Variants in RECQL5 observed in about 807,000 individuals in gnomAD.
The protein encoded by RECQL5 is ATP-dependent DNA helicase Q5.
A neutral mutation model predicts 103.4 loss-of-function variants in RECQL5; 88 were observed. The ratio of observed to expected loss-of-function variants is 0.85; its 90% CI spans 0.72 to 1.02. The LOEUF (loss-of-function observed/expected upper bound fraction) is 1.02. Ranked by LOEUF, RECQL5 falls within the 50% of genes least tolerant of loss-of-function variation. The pLI is 0.00. For missense variants in RECQL5, 1,232 were observed against 1,284.3 expected (o/e 0.96, Z 0.62); for synonymous variants, 552 against 507.9 (o/e 1.09, Z -1.17).
intron 8 of RECQL5, among the ~76,000 whole-genome samples, chr17:75,642,609 A>G (rs185959679): frequency 1.3e-5 from 2 of 150,206 alleles, no homozygotes; most frequent in Admixed American, 6.6e-5. Context: ...TCCAAAGAAT[A>G]GGATTCAGAA....
Position 75,665,171 on chromosome 17 carries a change from A to T in RECQL5, c.132T>A (p.Gly44=). ...QESATMAVVK[G]NKDVFVCMPT... ...GCATGCACACAAAGACGTCCTTGTT[A>T]CCTGAAAAAATACAAGACAACAATA... Residue 44 remains glycine, a splice_region_variant and synonymous_variant, in exon 3 of 20, where the codon GGT becomes GGA. Transcript: ENST00000317905. The T allele has an allele frequency of 6.2e-7, 1 of 1,606,970 alleles. No homozygotes were observed. Among genetic ancestry groups the T allele is most frequent in the Non-Finnish European group, 8.5e-7 (1 of 1,177,912 alleles).
intron 15 of RECQL5, 53 bp downstream of exon 15, chr17:75,629,655 G>T: frequency 6.4e-7 from 1 of 1,559,060 alleles, no homozygotes. Context: ...GGGCAGAGGG[G>T]AAGTGAAGCC....
intron 5 of RECQL5, 54 bp from the exon 6 acceptor site, chr17:75,661,120 G>A (rs1051699141): frequency 1.5e-5 from 21 of 1,434,654 alleles, no homozygotes; most frequent in East Asian, 4.5e-5. Flanking sequence ...TGGGTTTACC[G>A]GGGGCCTATT....
At chr17:75,631,298 C>T (rs1007833034) in intron 9 of RECQL5, 49 bp from the exon 10 acceptor site, 1 of 1,583,154 alleles carries the variant, frequency 6.3e-7, no homozygotes, top group East Asian at 2.2e-5. Context: ...TCTGCCCTCC[C>T]CATGTGTGCT....
chr17:75,655,441 G>A (rs1021750920), intron 7 of RECQL5, among the ~76,000 whole-genome samples: 1 of 146,264 alleles, frequency 6.8e-6, no homozygotes, highest in African/African-American at 2.6e-5. Flanking sequence ...TGGGCTCACT[G>A]CAAGCTCCGC....
At chr17:75,661,767 T>A (rs1029609894) in intron 4 of RECQL5, 59 bp from the exon 5 acceptor site, 24 of 1,252,798 alleles carry the variant, frequency 1.9e-5, no homozygotes, top group Non-Finnish European at 2.6e-5. Context: ...ATAGGCCCAG[T>A]GTAATGCACC....
chr17:75,664,672 G>A (rs1259528534), intron 3 of RECQL5, among the ~76,000 whole-genome samples: 2 of 152,278 alleles, frequency 1.3e-5, no homozygotes, highest in African/African-American at 4.8e-5. Context: ...CAGCACTTTG[G>A]GAGGCCGAGG....
In RECQL5 at chr17:75,640,867, G is replaced by A; in HGVS notation, c.1230-9199C>T. 8.4e-6 allele frequency: 13 copies of A among 1,547,680 alleles called. No individual in the cohort carries two copies. Among genetic ancestry groups the A allele is most frequent in the Non-Finnish European group, 1.1e-5 (13 of 1,146,960 alleles). On this transcript the variant is annotated intron_variant, in intron 8 of 19. Transcript: ENST00000317905. The surrounding 1 kb of genome is among the most constrained non-coding windows in gnomAD (Gnocchi z 4.6). ...GCTGCTGCCCTGAGCGGAGAGGCAG[G>A]AAGGTCCAGGTGCAGCCGACACCAC...
In RECQL5 at chr17:75,626,875, CACA is replaced by C. The variant is rs2059095744; in HGVS notation, c.*544_*546del. 4 of 379,508 alleles carry C rather than the reference CACA, an allele frequency of 1.1e-5. No homozygotes were observed. Among genetic ancestry groups the C allele is most frequent in the Middle Eastern group, 8.1e-4 (1 of 1,240 alleles). The allele number at this position is 379,508 out of a possible 1,614,324, so 23.5% of individuals were successfully genotyped here. A position where few individuals can be genotyped will look rare whatever the true frequency, so the allele number is the denominator to read the frequency against. ...GGGCTGTGTGCACGCCTGCATGCCC[CACA>C]ACAACACAACTTTATTCCTCTCCCA... On this transcript the variant is annotated 3_prime_UTR_variant, in exon 20 of 20. Transcript: ENST00000317905.
chr17:75,654,588 T>C (rs1464576528), intron 7 of RECQL5, among the ~76,000 whole-genome samples: 1 of 152,188 alleles, frequency 6.6e-6, no homozygotes, highest in Non-Finnish European at 1.5e-5. Context: ...TTCCTTCAAG[T>C]TTCCACATAC....
At chr17:75,650,404 GC>G in intron 8 of RECQL5, 8 of 1,263,480 alleles carry the variant, frequency 6.3e-6, no homozygotes, top group Non-Finnish European at 8.0e-6. Flanking sequence ...AACCAAGATG[GC>G]CCAGGTGTAT....
rs1258055857 is a variant in RECQL5, at chr17:75,631,260, G to C, written c.1449-11C>G. On this transcript the variant is annotated splice_polypyrimidine_tract_variant and intron_variant, in intron 9 of 19. Transcript: ENST00000317905. ...GAACCTTCGTCATACCTAGGGACAG[G>C]CCAGGCGTGAGTGGCCCTGGCCTGG... The C allele has an allele frequency of 6.2e-7, 1 of 1,613,042 alleles. No individual in the cohort carries two copies. Among genetic ancestry groups the C allele is most frequent in the Non-Finnish European group, 8.5e-7 (1 of 1,179,386 alleles).
chr17:75,643,270 T>C (rs2059453661), intron 8 of RECQL5, among the ~76,000 whole-genome samples: 1 of 152,248 alleles, frequency 6.6e-6, no homozygotes, highest in South Asian at 2.1e-4. Flanking sequence ...AGAATAGCCC[T>C]GCTCCAGGGC....
intron 8 of RECQL5, chr17:75,650,195 G>T: frequency 1.0e-6 from 1 of 988,650 alleles, no homozygotes; most frequent in Non-Finnish European, 1.2e-6. Flanking sequence ...AAGGCTGCAG[G>T]CAAGGGTGGT....
chr17:75,648,663 C>T (rs1383552064), intron 8 of RECQL5, among the ~76,000 whole-genome samples: 5 of 134,286 alleles, frequency 3.7e-5, no homozygotes, highest in East Asian at 2.2e-4. Flanking sequence ...TGAGCCACGG[C>T]GCCCGGCCTT....
chr17:75,630,462 G>T, intron 13 of RECQL5, 157 bp downstream of exon 13: 1 of 915,694 alleles, frequency 1.1e-6, no homozygotes, highest in Non-Finnish European at 1.7e-6. Context: ...TTGTAGCCAT[G>T]CCTGGCCCTG....
chr17:75,630,718 G>C (rs75011564), intron 12 of RECQL5, 26 bp from the exon 13 acceptor site: 3 of 1,609,686 alleles, frequency 1.9e-6, no homozygotes, highest in Admixed American at 3.3e-5. Context: ...GAGACTGGTC[G>C]CATGGCCTCG....
At chr17:75,633,480 C>T (rs1391922281) in intron 8 of RECQL5, 1 of 1,289,090 alleles carries the variant, frequency 7.8e-7, no homozygotes, top group Non-Finnish European at 1.0e-6. Context: ...CATGAGGCGC[C>T]TTGCCGGGCG....
At position 75,662,864 on chromosome 17, in the gene RECQL5, G is replaced by A; in HGVS notation, c.386C>T (p.Thr129Ile). The A allele has an allele frequency of 6.2e-7, 1 of 1,614,152 alleles. No individual in the cohort carries two copies. Among genetic ancestry groups the A allele is most frequent in the Non-Finnish European group, 8.5e-7 (1 of 1,180,042 alleles). ...GGAGGATGAAGCTGCCATCTCTGGG[G>A]TGATGTACAGAATCTTGGTCTGGGG... The part of the protein sequence containing the change: ...EKPQTKILYI[T>I]PEMAASSSFQ... Residue 129 changes from threonine to isoleucine, a missense_variant, in exon 4 of 20, where the codon ACC becomes ATC. By Grantham distance (89) the Thr-to-Ile change is moderately conservative (BLOSUM62 -1). Transcript: ENST00000317905.
Sources: allele counts gnomAD v4.1 joint callset (sites outside exome capture counted in the v4.1 genomes callset), GRCh38; gene constraint gnomAD v4.1.1; non-coding constraint Gnocchi (gnomAD v3.1); transcripts MANE v1.5; gene names NCBI Gene and HGNC (gene_info 2026-07-23, HGNC 2026-07-21).